Variants in ACVR2A observed in about 807,000 individuals in gnomAD.
ACVR2A encodes the protein activin receptor type-2A.
In ACVR2A, 7 loss-of-function variants were observed where a neutral mutation model predicts 61.4. The observed-to-expected ratio is 0.11, with a 90% CI of 0.06 to 0.21. ACVR2A has a LOEUF of 0.21. Ranked by LOEUF, ACVR2A falls within the 10% of genes least tolerant of loss-of-function variation. ACVR2A has a pLI of 1.00. For synonymous variants in ACVR2A, 193 were observed against 208.3 expected (o/e 0.93, Z 0.63); for missense variants, 322 against 621.7 (o/e 0.52, Z 5.13).
chr2:147,870,140 A>C (rs1299184932), intron 1 of ACVR2A, among the ~76,000 whole-genome samples: 1 of 151,934 alleles, frequency 6.6e-6, no homozygotes, highest in Non-Finnish European at 1.5e-5. Context: ...AGAAGGTCTT[A>C]ATGTGGTGTA....
chr2:147,899,687 T>C (rs1396415066), intron 3 of ACVR2A, 57 bp from the exon 4 acceptor site: 18 of 1,598,632 alleles, frequency 1.1e-5, no homozygotes, highest in Non-Finnish European at 1.5e-5. Flanking sequence ...ATGACAGATA[T>C]TTATTATAGA....
intron 3 of ACVR2A, 36 bp downstream of exon 3, chr2:147,899,603 C>G (rs1686824702): frequency 1.9e-6 from 3 of 1,595,658 alleles, no homozygotes; most frequent in Non-Finnish European, 2.6e-6. Context: ...GTTTGCTCAA[C>G]TGTAGATTGG....
intron 1 of ACVR2A, 104 bp from the exon 2 acceptor site, chr2:147,896,197 G>A: frequency 2.0e-6 from 2 of 991,040 alleles, no homozygotes; most frequent in Admixed American, 2.4e-5. Flanking sequence ...TGGGAAGACG[G>A]TGAATTACTG....
intron 8 of ACVR2A, 65 bp from the exon 9 acceptor site, chr2:147,922,908 C>A: frequency 2.6e-6 from 4 of 1,548,448 alleles, no homozygotes; most frequent in Admixed American, 1.9e-5. Flanking sequence ...ATTCATCTTA[C>A]AAAATCATAT....
At position 147,927,354 on chromosome 2, in the gene ACVR2A, T is replaced by C. The variant is rs907896834; in HGVS notation, c.*80T>C. 2.8e-5 allele frequency: 38 copies of C among 1,334,418 alleles called. No individual in the cohort carries two copies. The Middle Eastern group carries it at 2.1e-3, about 73-fold the overall frequency. The allele number at this position is 1,334,418 out of a possible 1,614,324, so 82.7% of individuals were successfully genotyped here. On this transcript the variant is annotated 3_prime_UTR_variant, in exon 11 of 11. Transcript: ENST00000241416. ...GCTAAAGAAACTGCTTACAGTTTAT[T>C]TTCTGTGTAAAATGAGTAGGATGTC... is the stretch of plus-strand genomic sequence containing the variant.
Position 147,845,138 on chromosome 2 carries a change from C to T in ACVR2A, c.-15C>T, listed in dbSNP as rs778726310. On this transcript the variant is annotated 5_prime_UTR_variant, in exon 1 of 11. Transcript: ENST00000241416. ...TAGCGAGAACTTCCTCCGGATTCCC[C>T]GGCGCCTCGGGAAAATGGGAGCTGC... 1.9e-6 allele frequency: 3 copies of T among 1,612,526 alleles called. No individual in the cohort carries two copies. The highest frequency in any genetic ancestry group is 1.1e-5 in the South Asian group (1 of 91,024).
chr2:147,918,396 C>T (rs1687302959), intron 6 of ACVR2A, 51 bp from the exon 7 acceptor site: 6 of 1,537,296 alleles, frequency 3.9e-6, no homozygotes, highest in South Asian at 2.5e-5. Context: ...TCTCCTTATA[C>T]ATATGGCCTT....
intron 9 of ACVR2A, chr2:147,925,604 A>T (rs149239456): frequency 1.1e-3 from 164 of 153,558 alleles, no homozygotes; most frequent in Middle Eastern, 3.3e-3. Context: ...ATGCCATAGA[A>T]TAAACATGGT....
chr2:147,870,714 G>T (rs1422753311), intron 1 of ACVR2A, among the ~76,000 whole-genome samples: 1 of 151,974 alleles, frequency 6.6e-6, no homozygotes, highest in African/African-American at 2.4e-5. Context: ...TGACTATATC[G>T]TGAAGACAAC....
chr2:147,854,077 A>T (rs776457064), intron 1 of ACVR2A, among the ~76,000 whole-genome samples: 2 of 152,204 alleles, frequency 1.3e-5, no homozygotes, highest in East Asian at 1.9e-4. Context: ...AACATTAAAA[A>T]ATATAGATTT....
At chr2:147,887,053 A>T (rs574836798) in intron 1 of ACVR2A, among the ~76,000 whole-genome samples, 1 of 152,048 alleles carries the variant, frequency 6.6e-6, no homozygotes, top group African/African-American at 2.4e-5. Flanking sequence ...TATACAAAAA[A>T]TAAAAATAAC....
Position 147,926,089 on chromosome 2 carries a change from T to C in ACVR2A, c.1275T>C (p.Leu425=), listed in dbSNP as rs764644748. The C allele has an allele frequency of 6.2e-7, 1 of 1,612,336 alleles. No individual in the cohort carries two copies. The highest frequency in any genetic ancestry group is 1.1e-5 in the South Asian group (1 of 90,944). Residue 425 remains leucine (L), a synonymous_variant, in exon 10 of 11, where the codon CTT becomes CTC. Coordinates refer to ENST00000241416, the MANE Select transcript of ACVR2A (RefSeq NM_001616.5). ...FEEEIGQHPS[L]EDMQEVVVHK... is the part of the protein sequence containing the mutation. The stretch of plus-strand genomic sequence containing the variant: ...AGGAAATTGGCCAGCATCCATCTCT[T>C]GAAGACATGCAGGAAGTTGTTGTGC...
chr2:147,855,678 A>G (rs1377069448), intron 1 of ACVR2A, among the ~76,000 whole-genome samples: 1 of 150,942 alleles, frequency 6.6e-6, no homozygotes, highest in South Asian at 2.1e-4. Context: ...TTTTTTTCCT[A>G]CTTGTCATTG....
At chr2:147,900,686 C>A (rs1686851483) in intron 4 of ACVR2A, 1 of 151,950 alleles carries the variant, frequency 6.6e-6, no homozygotes, top group South Asian at 2.1e-4. Flanking sequence ...TCTACGAAAA[C>A]TGATAACTTT....
At chr2:147,868,778 T>C (rs1685939744) in intron 1 of ACVR2A, among the ~76,000 whole-genome samples, 1 of 151,948 alleles carries the variant, frequency 6.6e-6, no homozygotes, top group African/African-American at 2.4e-5. Context: ...ACCACAGGCA[T>C]GCCACCACAC....
At chr2:147,892,814 A>AT (rs879448232) in intron 1 of ACVR2A, among the ~76,000 whole-genome samples, 1,909 of 147,428 alleles carry the variant, frequency 0.013, 47 homozygotes, top group African/African-American at 0.044. Flanking sequence ...TATTTTAATA[A>AT]TTTTTTTTTT....
At chr2:147,925,918 G>T in intron 9 of ACVR2A, 113 bp from the exon 10 acceptor site, 1 of 1,056,046 alleles carries the variant, frequency 9.5e-7, no homozygotes, top group South Asian at 1.6e-5. Flanking sequence ...TGTCCTCATA[G>T]CATGTAAACA....
chr2:147,900,630 T>A (rs1449973449), intron 4 of ACVR2A: 1 of 152,070 alleles, frequency 6.6e-6, no homozygotes, highest in East Asian at 1.9e-4. Flanking sequence ...TGTGCAGGTC[T>A]GGTATTTATA....
intron 1 of ACVR2A, among the ~76,000 whole-genome samples, chr2:147,894,351 T>G (rs924139428): frequency 6.6e-6 from 1 of 152,170 alleles, no homozygotes; most frequent in Admixed American, 6.5e-5. Flanking sequence ...TATTCCAGTT[T>G]CCTTGTTTTT....
Sources: gnomAD v4.1 joint callset for allele counts (sites outside exome capture counted in the v4.1 genomes callset) on GRCh38, gnomAD v4.1.1 for gene constraint, MANE v1.5 for transcripts, NCBI Gene and HGNC (gene_info 2026-07-23, HGNC 2026-07-21) for gene names.